Variants in ATL3 observed in about 807,000 individuals in gnomAD.
The protein encoded by ATL3 is atlastin-3.
In ATL3, 49 loss-of-function variants were observed where a neutral mutation model predicts 69.5. That is an observed-to-expected ratio of 0.71 (90% CI 0.56 to 0.89). The LOEUF (loss-of-function observed/expected upper bound fraction) is 0.89, where lower values mean the gene tolerates loss of function less well. Among genes scored for constraint, ATL3 ranks in the 40% least tolerant of loss-of-function variants. The pLI is 0.00. For missense variants in ATL3, 606 were observed against 645.7 expected, an observed-to-expected ratio of 0.94 and a Z score of 0.67; for synonymous variants, 214 against 224.1, an observed-to-expected ratio of 0.95 and a Z score of 0.40.
chr11:63,657,889 T>C (rs1449723505), intron 3 of ATL3, among the ~76,000 whole-genome samples: 4 of 150,650 alleles, frequency 2.7e-5, no homozygotes, highest in Non-Finnish European at 5.9e-5. Flanking sequence ...CGGAGTCTCG[T>C]ACTGTCGCCC....
At chr11:63,632,593 A>G in intron 11 of ATL3, 1 of 859,782 alleles carries the variant, frequency 1.2e-6, no homozygotes, top group Middle Eastern at 3.4e-4. Flanking sequence ...AGAATTCTAC[A>G]GATTCCAGTT....
chr11:63,671,319 C>A lies in ATL3; in HGVS notation c.17G>T (p.Arg6Leu). Reference protein sequence around the residue: MLSPQRVAAAASRGAD... With the variant: MLSPQLVAAAASRGAD... ...TCCTCTTGAGGCAGCTGCTGCCACT[C>A]GCTGAGGGGACAACATGGAGCCTCC... The change falls in exon 1 of 13, where the codon CGA becomes CTA. Residue 6 changes from arginine to leucine, a missense_variant. Transcript: ENST00000398868. The A allele has an allele frequency of 6.3e-7, 1 of 1,588,234 alleles. No individual in the cohort carries two copies. The highest frequency in any genetic ancestry group is 1.1e-5 in the South Asian group (1 of 88,728).
intron 9 of ATL3, among the ~76,000 whole-genome samples, chr11:63,635,853 G>A (rs1204698708): frequency 6.7e-6 from 1 of 148,460 alleles, no homozygotes; most frequent in Non-Finnish European, 1.5e-5. Context: ...CTACCTGTGG[G>A]CAGAGTGACC....
intron 3 of ATL3, among the ~76,000 whole-genome samples, chr11:63,653,752 T>C (rs956996196): frequency 6.6e-6 from 1 of 152,196 alleles, no homozygotes; most frequent in Admixed American, 6.6e-5. Context: ...AGGCTGCATA[T>C]TGTATGATTC....
intron 1 of ATL3, among the ~76,000 whole-genome samples, chr11:63,665,825 C>T (rs1489011611): frequency 6.6e-6 from 1 of 151,494 alleles, no homozygotes; most frequent in Non-Finnish European, 1.5e-5. Context: ...AGTAAGTCAA[C>T]CACTGCACTA....
chr11:63,668,568 GACT>G (rs1480711325), intron 1 of ATL3, among the ~76,000 whole-genome samples: 2 of 152,242 alleles, frequency 1.3e-5, no homozygotes, highest in East Asian at 1.9e-4. Context: ...TTTTGTTGTT[GACT>G]AAGGATTGTG....
intron 1 of ATL3, chr11:63,670,438 T>C (rs1257049016): frequency 1.3e-5 from 2 of 152,246 alleles, no homozygotes; most frequent in East Asian, 3.8e-4. Flanking sequence ...CATTTAAAAA[T>C]TCTTCACTGT....
Position 63,625,345 on chromosome 11 carries a change from AAT to A in ATL3, c.*3972_*3973del, listed in dbSNP as rs1411479660. The A allele has an allele frequency of 6.6e-6, 1 of 152,202 alleles. No homozygotes were observed. Among genetic ancestry groups the A allele is most frequent in the African/African-American group, 2.4e-5 (1 of 41,456 alleles). 9.4% of individuals were successfully genotyped at this position (152,202 alleles called of 1,614,324 possible). On this transcript the variant is annotated 3_prime_UTR_variant, in exon 13 of 13. Coordinates refer to ENST00000398868, the MANE Select transcript of ATL3 (RefSeq NM_015459.5). ...ATCAAATCATCCTAAATTACATTTC[AAT>A]AGTTCCAGGAAAGAAAAAAGTCCTG... is the stretch of plus-strand genomic sequence containing the variant.
At chr11:63,631,713 G>A (rs1939325217) in intron 11 of ATL3, among the ~76,000 whole-genome samples, 1 of 152,172 alleles carries the variant, frequency 6.6e-6, no homozygotes, top group Non-Finnish European at 1.5e-5. Flanking sequence ...CGGGTGCGGT[G>A]GCTCACGCCT....
intron 8 of ATL3, among the ~76,000 whole-genome samples, chr11:63,642,755 T>A (rs771278543): frequency 1.4e-4 from 22 of 152,234 alleles, no homozygotes; most frequent in Non-Finnish European, 2.9e-4. Context: ...GTTGCAAACA[T>A]TACCAGGAAT....
Position 63,642,826 on chromosome 11 carries a change from G to A in ATL3, c.850+531C>T, listed in dbSNP as rs540224986. On this transcript the variant is annotated intron_variant, in intron 8 of 12. Coordinates refer to ENST00000398868, the MANE Select transcript of ATL3 (RefSeq NM_015459.5). ...AGTTTAACACATGTATAAATTAAGG[G>A]CTAGCCATTTAATGACTCAAGGCCT... Among the ~76,000 whole-genome samples, 6 of 152,252 alleles carry A rather than the reference G, an allele frequency of 3.9e-5. No individual in the cohort carries two copies. In the East Asian group the frequency reaches 9.6e-4, roughly 24 times the overall value.
intron 5 of ATL3, among the ~76,000 whole-genome samples, chr11:63,648,641 T>C (rs867720486): frequency 7.9e-5 from 12 of 152,136 alleles, no homozygotes; most frequent in Admixed American, 2.6e-4. Context: ...AAACCCTGTC[T>C]CTACTAAAAA....
At chr11:63,671,419 C>A, upstream of ATL3, 4 of 1,515,580 alleles carry the variant, frequency 2.6e-6, no homozygotes, top group Non-Finnish European at 3.5e-6. Flanking sequence ...GCCCTGGAAG[C>A]GGGAAACGGG....
chr11:63,667,987 C>A (rs1249602335), intron 1 of ATL3, among the ~76,000 whole-genome samples: 1 of 152,058 alleles, frequency 6.6e-6, no homozygotes, highest in Non-Finnish European at 1.5e-5. Context: ...GCTCCAGGGG[C>A]AGGAAGAGGC....
chr11:63,632,254 C>A, intron 11 of ATL3: 1 of 732,520 alleles, frequency 1.4e-6, no homozygotes, highest in Non-Finnish European at 2.6e-6. Context: ...AACCTTCTGA[C>A]TTGTTGGCTA....
At chr11:63,662,902 A>C (rs575809078) in intron 1 of ATL3, among the ~76,000 whole-genome samples, 24 of 152,244 alleles carry the variant, frequency 1.6e-4, no homozygotes, top group Non-Finnish European at 2.8e-4. Flanking sequence ...ACTTAAGGAG[A>C]CATAGTAAGT....
chr11:63,651,909 G>A (rs942754069), intron 5 of ATL3, 27 bp downstream of exon 5: 15 of 1,576,412 alleles, frequency 9.5e-6, no homozygotes, highest in East Asian at 2.3e-5. Context: ...ATAATATGAT[G>A]TTAAAATTGT....
At chr11:63,652,942 C>T (rs977553508) in intron 3 of ATL3, among the ~76,000 whole-genome samples, 3 of 152,064 alleles carry the variant, frequency 2.0e-5, no homozygotes, top group Non-Finnish European at 2.9e-5. Context: ...CCTATAATAC[C>T]AACAGTTTGG....
intron 11 of ATL3, 74 bp downstream of exon 11, chr11:63,632,952 C>A (rs1939373977): frequency 7.4e-7 from 1 of 1,355,954 alleles, no homozygotes; most frequent in Non-Finnish European, 1.1e-6. Context: ...TAAGTAGGAT[C>A]AAGTTGGGCT....
Sources: gnomAD v4.1 joint callset for allele counts (sites outside exome capture counted in the v4.1 genomes callset) on GRCh38, gnomAD v4.1.1 for gene constraint, MANE v1.5 for transcripts, NCBI Gene and HGNC (gene_info 2026-07-23, HGNC 2026-07-21) for gene names.